NR3C1: variants seen among roughly 807,000 people sequenced by gnomAD.
The protein encoded by NR3C1 is nuclear receptor subfamily 3 group C member 1, also known as glucocorticoid receptor.
In NR3C1, 14 loss-of-function variants were observed where a neutral mutation model predicts 74.0. The ratio of observed to expected loss-of-function variants is 0.19; its 90% CI spans 0.12 to 0.30. The LOEUF (loss-of-function observed/expected upper bound fraction) is 0.30. Among genes scored for constraint, NR3C1 ranks in the 10% least tolerant of loss-of-function variants. NR3C1 has a pLI of 1.00. For missense variants in NR3C1, 695 were observed against 909.8 expected (o/e 0.76, Z 3.04); for synonymous variants, 308 against 332.5 (o/e 0.93, Z 0.80).
chr5:143,348,049 T>C (rs1829610076), intron 2 of NR3C1, among the ~76,000 whole-genome samples: 1 of 152,190 alleles, frequency 6.6e-6, no homozygotes, highest in Non-Finnish European at 1.5e-5. Context: ...AGAGTAAACC[T>C]GCCTATGATT....
Position 143,299,005 on chromosome 5 carries a change from G to GTTT in NR3C1, c.1748-196_1748-194dup, listed in dbSNP as rs35039262. 4.7e-3 allele frequency among the ~76,000 whole-genome samples: 501 copies of GTTT among 106,668 alleles called. 11 individuals are homozygous for GTTT. Among genetic ancestry groups the GTTT allele is most frequent in the South Asian group, 9.3e-3 (26 of 2,802 alleles). 70.0% of individuals were successfully genotyped at this position (106,668 alleles called of 152,430 possible). On this transcript the variant is annotated intron_variant, in intron 5 of 8. Transcript: ENST00000394464. ...CTTTAAGACTCACAAACCCTCTTGT[G>GTTT]TTTTTTTTTTTTTTTTTTTTTTTAA...
rs1445796173 is a variant in NR3C1, at chr5:143,422,176, C to T, written c.-14+12356G>A. Reference sequence around the variant, plus strand: ...TTACCTTCCATAGAGTTTTATTTGGCTATTTCTTGAAGCATTGATTTTCAT... The same window carrying T: ...TTACCTTCCATAGAGTTTTATTTGGTTATTTCTTGAAGCATTGATTTTCAT... On this transcript the variant is annotated intron_variant, in intron 1 of 8. Coordinates refer to the NR3C1 transcript ENST00000343796. Among the ~76,000 whole-genome samples the T allele has an allele frequency of 3.3e-5, 5 of 152,232 alleles. No individual in the cohort carries two copies. The South Asian group carries it at 1.0e-3, about 32-fold the overall frequency.
rs143929466 is a variant in NR3C1 at position 143,297,710 on chromosome 5, G to A, written c.1892+958C>T. On this transcript the variant is annotated intron_variant, in intron 6 of 8. Coordinates refer to ENST00000394464, the MANE Select transcript of NR3C1 (RefSeq NM_000176.3). ...ACTCCCTGTTTACATTGTACTAATA[G>A]CAATAAGCTAGGGGTACGAAAAGTA... 5.9e-4 allele frequency among the ~76,000 whole-genome samples: 90 copies of A among 152,264 alleles called. 1 individual carries two copies. Among genetic ancestry groups the A allele is most frequent in the African/African-American group, 2.1e-3 (87 of 41,548 alleles).
chr5:143,404,378 T>G (rs918454742), upstream of NR3C1: 1 of 983,672 alleles, frequency 1.0e-6, no homozygotes, highest in African/African-American at 1.8e-5. Context: ...ATACGTACTT[T>G]GGGCCCGGGG....
intron 2 of NR3C1, among the ~76,000 whole-genome samples, chr5:143,366,185 G>A (rs1833136790): frequency 6.6e-6 from 1 of 151,984 alleles, no homozygotes. Context: ...AAATAGAGAA[G>A]AGAAAAACAA....
chr5:143,309,495 TA>T (rs1004971832), intron 4 of NR3C1, among the ~76,000 whole-genome samples: 5 of 152,186 alleles, frequency 3.3e-5, no homozygotes, highest in African/African-American at 9.7e-5. Flanking sequence ...GTGGAAAAGG[TA>T]ATATCTTCAC....
chr5:143,347,435 T>C (rs775611482), intron 2 of NR3C1, among the ~76,000 whole-genome samples: 3 of 152,212 alleles, frequency 2.0e-5, no homozygotes, highest in African/African-American at 4.8e-5. Context: ...GTTAGTTATT[T>C]TTTTACAGGG....
chr5:143,416,857 C>G, intron 1 of NR3C1, among the ~76,000 whole-genome samples: 1 of 152,210 alleles, frequency 6.6e-6, no homozygotes. Context: ...GATGGTCAAA[C>G]TCCTTCTTTA....
At chr5:143,367,815 T>A (rs1009799594) in intron 2 of NR3C1, among the ~76,000 whole-genome samples, 1 of 152,214 alleles carries the variant, frequency 6.6e-6, no homozygotes, top group South Asian at 2.1e-4. Context: ...ATGGCAATAT[T>A]CCCCAAACTG....
At chr5:143,418,828 G>T (rs1751061366) in intron 1 of NR3C1, among the ~76,000 whole-genome samples, 1 of 152,202 alleles carries the variant, frequency 6.6e-6, no homozygotes, top group African/African-American at 2.4e-5. Flanking sequence ...GAACTAGAAA[G>T]AATCCAGACT....
intron 2 of NR3C1, among the ~76,000 whole-genome samples, chr5:143,327,391 G>C (rs1242957314): frequency 2.0e-5 from 3 of 152,086 alleles, no homozygotes; most frequent in African/African-American, 7.2e-5. Flanking sequence ...GATTTGGGTG[G>C]GGACACAGAG....
At chr5:143,373,485 A>G (rs1392216236) in intron 2 of NR3C1, among the ~76,000 whole-genome samples, 1 of 152,068 alleles carries the variant, frequency 6.6e-6, no homozygotes, top group African/African-American at 2.4e-5. Flanking sequence ...TAGGGGAGGG[A>G]TAGCATTAGG....
In NR3C1 at chr5:143,380,769, A is replaced by C. The variant is rs10073248; in HGVS notation, c.1184+18887T>G. ...AATATAAATCTGATAATGGTACCAC[A>C]AGTTAAAGTATCCACTTCCTAACTA... is the stretch of plus-strand genomic sequence containing the variant. On this transcript the variant is annotated intron_variant, in intron 2 of 8. Coordinates refer to ENST00000394464, the MANE Select transcript of NR3C1 (RefSeq NM_000176.3). Among the ~76,000 whole-genome samples the C allele has an allele frequency of 4.4e-3, 669 of 152,292 alleles. 2 individuals are homozygous for C. The highest frequency in any genetic ancestry group is 0.015 in the African/African-American group (637 of 41,556).
intron 2 of NR3C1, among the ~76,000 whole-genome samples, chr5:143,361,115 T>C (rs1179864550): frequency 2.0e-5 from 3 of 152,208 alleles, no homozygotes; most frequent in African/African-American, 7.2e-5. Flanking sequence ...CAAACTGTTT[T>C]TCTTAACTTA....
At chr5:143,403,948 C>T (rs1326299741), upstream of NR3C1, 36 of 984,880 alleles carry the variant, frequency 3.7e-5, no homozygotes, top group South Asian at 2.8e-4. Context: ...CCCAACTCCC[C>T]AGGAAAAAGG....
chr5:143,315,552 A>G (rs1316015994), intron 2 of NR3C1, among the ~76,000 whole-genome samples: 2 of 152,184 alleles, frequency 1.3e-5, no homozygotes, highest in Non-Finnish European at 2.9e-5. Context: ...GAACTTAGAA[A>G]TAAACTTAAA....
intron 2 of NR3C1, among the ~76,000 whole-genome samples, chr5:143,317,894 A>C (rs1487747249): frequency 6.6e-6 from 1 of 152,174 alleles, no homozygotes; most frequent in African/African-American, 2.4e-5. Context: ...GAGTACCAGA[A>C]TATTTTGTAG....
intron 2 of NR3C1, among the ~76,000 whole-genome samples, chr5:143,334,236 G>C (rs1484234768): frequency 6.6e-6 from 1 of 152,004 alleles, no homozygotes; most frequent in African/African-American, 2.4e-5. Flanking sequence ...ACAAAAATTA[G>C]CCGGGCATGG....
intron 2 of NR3C1, among the ~76,000 whole-genome samples, chr5:143,343,093 A>G (rs1332643735): frequency 6.6e-6 from 1 of 152,238 alleles, no homozygotes; most frequent in Non-Finnish European, 1.5e-5. Flanking sequence ...TAAATTTCAT[A>G]AGGACAAATA....
Sources: gnomAD v4.1 joint callset for allele counts (sites outside exome capture counted in the v4.1 genomes callset) on GRCh38, gnomAD v4.1.1 for gene constraint, MANE v1.5 for transcripts, NCBI Gene and HGNC (gene_info 2026-07-23, HGNC 2026-07-21) for gene names.